Variants in SMC6 observed in about 807,000 individuals in gnomAD.
SMC6 encodes the protein structural maintenance of chromosomes 6.
Under a neutral mutation model 142.2 loss-of-function variants are expected in SMC6, and 79 were observed. The observed-to-expected ratio is 0.56, with a 90% CI of 0.46 to 0.67. The LOEUF is 0.67. SMC6 is among the 30% of genes least tolerant of loss of function. The pLI, the probability that SMC6 is intolerant of heterozygous loss-of-function variation, is 0.00. For synonymous variants in SMC6, 411 were observed against 412.4 expected, an observed-to-expected ratio of 1.00 and a Z score of 0.04; for missense variants, 1,072 against 1,284.0, an observed-to-expected ratio of 0.83 and a Z score of 2.52.
chr2:17,725,297 G>A lies in SMC6; in HGVS notation c.686C>T (p.Thr229Met), dbSNP rs748740216. Residue 229 changes from threonine to methionine, a missense_variant, in exon 9 of 28, where the codon ACG (threonine) becomes ATG (methionine). Thr to Met is a moderately conservative substitution (Grantham distance 81). Around this residue, in one of 3 missense-constraint regions of SMC6, gnomAD observed 994 missense variants for 1,153.2 expected, o/e 0.86. Coordinates refer to ENST00000448223, the MANE Select transcript of SMC6 (RefSeq NM_001142286.2). Reference protein sequence around the residue: ...MKEDYSYIMETKERTKEQIHQ... With the variant: ...MKEDYSYIMEMKERTKEQIHQ... ...TATCTGCTCCTTTGTTCTTTCTTTC[G>A]TTTCCATAATGTATGAATAATCTTC... 14 of 1,607,912 alleles carry A rather than the reference G, an allele frequency of 8.7e-6. No homozygotes were observed. Among genetic ancestry groups the A allele is most frequent in the Middle Eastern group, 1.7e-4 (1 of 6,042 alleles).
chr2:17,740,863 A>C (rs534815013), intron 4 of SMC6: 9 of 211,840 alleles, frequency 4.2e-5, no homozygotes, highest in Non-Finnish European at 8.5e-5. Flanking sequence ...AAAACAAAAA[A>C]CAAAAAAACA....
chr2:17,749,619 C>A (rs929265254), intron 2 of SMC6, among the ~76,000 whole-genome samples: 3 of 151,944 alleles, frequency 2.0e-5, no homozygotes, highest in Non-Finnish European at 4.4e-5. Flanking sequence ...ACCCAGGAGG[C>A]GGAGGTTGCA....
Position 17,718,235 on chromosome 2 carries a change from T to C in SMC6, c.946-12A>G. On this transcript the variant is annotated splice_polypyrimidine_tract_variant and intron_variant, in intron 11 of 27. Transcript: ENST00000448223. ...TCATTAAGTCTGACCTTTAAGAAAATAACATTATTGAAGTATATTTTTTCT... is the reference window on the plus strand; with the variant it reads ...TCATTAAGTCTGACCTTTAAGAAAACAACATTATTGAAGTATATTTTTTCT... The C allele has an allele frequency of 1.3e-6, 2 of 1,565,374 alleles. No homozygotes were observed. The highest frequency in any genetic ancestry group is 1.2e-5 in the South Asian group (1 of 80,664).
intron 24 of SMC6, chr2:17,681,698 G>C (rs1307678046): frequency 6.6e-6 from 1 of 152,120 alleles, no homozygotes; most frequent in Non-Finnish European, 1.5e-5. Flanking sequence ...GTCTTATATG[G>C]GCAGTCTGTG....
At chr2:17,726,513 C>T (rs376430309) in intron 7 of SMC6, 44 bp from the exon 8 acceptor site, 18 of 1,530,228 alleles carry the variant, frequency 1.2e-5, no homozygotes, top group Non-Finnish European at 1.6e-5. Flanking sequence ...TACTTTAATG[C>T]TTTAAAGATA....
At chr2:17,676,605 A>C (rs935805930) in intron 25 of SMC6, among the ~76,000 whole-genome samples, 1 of 152,110 alleles carries the variant, frequency 6.6e-6, no homozygotes, top group African/African-American at 2.4e-5. Flanking sequence ...TTTAATGAAA[A>C]TTGAGTTGAG....
chr2:17,729,976 C>A (rs1016946635), intron 7 of SMC6, among the ~76,000 whole-genome samples: 1 of 152,126 alleles, frequency 6.6e-6, no homozygotes, highest in South Asian at 2.1e-4. Context: ...GAGACCCAGA[C>A]CCCTAATTGT....
intron 23 of SMC6, among the ~76,000 whole-genome samples, chr2:17,689,238 A>G (rs1467467187): frequency 6.6e-6 from 1 of 152,212 alleles, no homozygotes; most frequent in African/African-American, 2.4e-5. Context: ...CCAAGAACAC[A>G]TATGAACCTA....
intron 25 of SMC6, among the ~76,000 whole-genome samples, chr2:17,677,622 G>A (rs987750805): frequency 3.3e-5 from 5 of 152,106 alleles, no homozygotes; most frequent in African/African-American, 1.2e-4. Flanking sequence ...AAAAATAAAA[G>A]TTTTGTAATT....
Position 17,700,271 on chromosome 2 carries a change from T to A in SMC6, c.2331A>T (p.Glu777Asp). The change falls in exon 21 of 28, where the codon GAA becomes GAT. Residue 777 changes from glutamate (E) to aspartate (D), a missense_variant. Transcript: ENST00000448223. ...EHLKSLKIEA[E>D]NKYDAIKFKI... ...TGAATTTAATTGCATCATACTTATT[T>A]TCTGCTTCTATTTTCAGACTTTTAA... 1 of 1,611,554 alleles carries A rather than the reference T, an allele frequency of 6.2e-7. No individual in the cohort carries two copies. Among genetic ancestry groups the A allele is most frequent in the Middle Eastern group, 1.7e-4 (1 of 6,044 alleles).
intron 25 of SMC6, among the ~76,000 whole-genome samples, chr2:17,675,414 A>G (rs777787361): frequency 6.6e-5 from 10 of 151,972 alleles, no homozygotes; most frequent in South Asian, 2.1e-4. Flanking sequence ...ACTGTTTTGT[A>G]TTTACCCATA....
chr2:17,715,107 A>G (rs764663821), intron 15 of SMC6, 42 bp from the exon 16 acceptor site: 2 of 1,559,620 alleles, frequency 1.3e-6, no homozygotes, highest in Non-Finnish European at 1.7e-6. Context: ...ATAAATACTT[A>G]TTTTGAAATA....
intron 18 of SMC6, among the ~76,000 whole-genome samples, chr2:17,704,588 C>T (rs951112409): frequency 1.3e-5 from 2 of 152,176 alleles, no homozygotes; most frequent in African/African-American, 4.8e-5. Flanking sequence ...TTCCCTGGAG[C>T]TGGCCATATT....
chr2:17,709,112 G>T (rs1668692913), intron 16 of SMC6, among the ~76,000 whole-genome samples: 2 of 152,030 alleles, frequency 1.3e-5, no homozygotes, highest in African/African-American at 4.8e-5. Flanking sequence ...ACGTCATGAA[G>T]CTACTTATGT....
At chr2:17,666,554 G>T in intron 26 of SMC6, 37 bp from the exon 27 acceptor site, 1 of 1,471,646 alleles carries the variant, frequency 6.8e-7, no homozygotes, top group East Asian at 2.3e-5. Flanking sequence ...TTGCTATTGT[G>T]TAAGTCACAT....
At chr2:17,751,636 A>G (rs891501099) in intron 2 of SMC6, among the ~76,000 whole-genome samples, 6 of 152,216 alleles carry the variant, frequency 3.9e-5, no homozygotes, top group Admixed American at 3.9e-4. Flanking sequence ...GAATTTGGTG[A>G]CCAAGAAAAG....
chr2:17,678,649 AC>A lies in SMC6; in HGVS notation c.2910+209del, dbSNP rs1271762899. Among the ~76,000 whole-genome samples, 3 of 151,032 alleles carry A rather than the reference AC, an allele frequency of 2.0e-5. No individual in the cohort carries two copies. In the East Asian group the frequency reaches 5.8e-4, roughly 29 times the overall value. ...AAATTAGCTGGGCATGGTGGCATGC[AC>A]CTATACTCCTAGCTACTTGGGAGGC... On this transcript the variant is annotated intron_variant, in intron 25 of 27. Transcript: ENST00000448223.
chr2:17,682,300 T>C (rs1438999841), intron 24 of SMC6, among the ~76,000 whole-genome samples: 1 of 152,180 alleles, frequency 6.6e-6, no homozygotes, highest in Non-Finnish European at 1.5e-5. Flanking sequence ...TATCAGATAG[T>C]GACTATCAGG....
chr2:17,743,246 C>T (rs73921065), intron 3 of SMC6, among the ~76,000 whole-genome samples: 21,051 of 152,080 alleles, frequency 0.14, 1,785 homozygotes, highest in African/African-American at 0.24. Flanking sequence ...TTTAAATTTA[C>T]ATATCATTTT....
Sources: allele counts gnomAD v4.1 joint callset (sites outside exome capture counted in the v4.1 genomes callset), GRCh38; gene constraint gnomAD v4.1.1; regional missense constraint gnomAD v4.1.1; transcripts MANE v1.5; gene names NCBI Gene and HGNC (gene_info 2026-07-23, HGNC 2026-07-21).